ATG16L2: variants seen among roughly 807,000 people sequenced by gnomAD.
ATG16L2 encodes protein Atg16l2.
ATG16L2 carries 77 observed loss-of-function variants against 84.7 expected under a neutral mutation model. The ratio of observed to expected loss-of-function variants is 0.91; its 90% CI spans 0.76 to 1.10. The LOEUF (loss-of-function observed/expected upper bound fraction) is 1.10. Among genes scored for constraint, ATG16L2 ranks in the 50% least tolerant of loss-of-function variants. The pLI, the probability that ATG16L2 is intolerant of heterozygous loss-of-function variation, is 0.00. For synonymous variants in ATG16L2, 361 were observed against 342.8 expected, an observed-to-expected ratio of 1.05 and a Z score of -0.59; for missense variants, 782 against 817.6, an observed-to-expected ratio of 0.96 and a Z score of 0.53.
intron 3 of ATG16L2, chr11:72,818,765 C>G (rs1288946419): frequency 6.6e-6 from 1 of 152,160 alleles, no homozygotes; most frequent in Non-Finnish European, 1.5e-5. Context: ...GTTGCTATAT[C>G]CAAAGTACGG....
At chr11:72,817,961 C>T (rs1335823474) in intron 3 of ATG16L2, 106 bp downstream of exon 3, 1 of 1,058,666 alleles carries the variant, frequency 9.4e-7, no homozygotes, top group Admixed American at 2.2e-5. Flanking sequence ...CCCAGTGCTG[C>T]AAGCATTGAG....
chr11:72,827,082 T>G (rs1313022519), intron 13 of ATG16L2, 106 bp from the exon 14 acceptor site: 2 of 960,608 alleles, frequency 2.1e-6, no homozygotes, highest in African/African-American at 1.6e-5. Context: ...TGGGTTCTAG[T>G]CTTGGGAGGA....
intron 3 of ATG16L2, chr11:72,818,154 C>T (rs1054939933): frequency 5.5e-6 from 2 of 361,846 alleles, no homozygotes; most frequent in South Asian, 3.7e-5. Context: ...GCTCACCCCT[C>T]GCCCAGCCAT....
At chr11:72,818,528 A>G (rs1565260557) in intron 3 of ATG16L2, 1 of 151,924 alleles carries the variant, frequency 6.6e-6, no homozygotes, top group Non-Finnish European at 1.5e-5. Flanking sequence ...CTTTTTGGAG[A>G]TCACATCTAA....
chr11:72,828,733 G>T lies in ATG16L2; in HGVS notation c.1627G>T (p.Asp543Tyr). 2 of 1,614,074 alleles carry T rather than the reference G, an allele frequency of 1.2e-6. No homozygotes were observed. Among genetic ancestry groups the T allele is most frequent in the South Asian group, 1.1e-5 (1 of 91,082 alleles). ...CCCAGCCCTGTCTGTCCTCAGGGCC[G>T]ATGGCTTCAAGTGTGGTTCTGACTG... ...VSNIRQVFRADGFKCGSDWTK... is the reference protein window; with the variant it reads ...VSNIRQVFRAYGFKCGSDWTK... The change falls in exon 16 of 18, where the codon GAT (aspartate) becomes TAT (tyrosine). Residue 543 changes from aspartate (D) to tyrosine (Y), a missense_variant. Physicochemically the swap from Asp to Tyr is radical, Grantham distance 160. Coordinates refer to ENST00000321297, the MANE Select transcript of ATG16L2 (RefSeq NM_033388.2).
At chr11:72,831,871 A>G (rs1205171711), downstream of ATG16L2, among the ~76,000 whole-genome samples, 1 of 152,228 alleles carries the variant, frequency 6.6e-6, no homozygotes, top group Non-Finnish European at 1.5e-5. Context: ...CTGTGGCTGC[A>G]TTACACATAC....
At position 72,828,398 on chromosome 11, in the gene ATG16L2, G is replaced by A; in HGVS notation, c.1512G>A (p.Arg504=). Residue 504 remains arginine (R), a synonymous_variant, in exon 15 of 18, where the codon CGG becomes CGA. Coordinates refer to ENST00000321297, the MANE Select transcript of ATG16L2 (RefSeq NM_033388.2). ...HCTQVIPVQG[R]VTSLSLSHDQ... is the part of the protein sequence containing the mutation. ...CCCAGGTCATCCCTGTGCAGGGCCG[G>A]GTCACCTCCCTGAGCCTCAGCCACG... The A allele has an allele frequency of 6.2e-7, 1 of 1,614,152 alleles. No individual in the cohort carries two copies. Among genetic ancestry groups the A allele is most frequent in the Non-Finnish European group, 8.5e-7 (1 of 1,180,028 alleles).
At chr11:72,829,155 T>G in intron 17 of ATG16L2, 148 bp from the exon 18 acceptor site, 1 of 1,102,126 alleles carries the variant, frequency 9.1e-7, no homozygotes. Context: ...GGTTCCATCC[T>G]TTCCACAGCC....
In ATG16L2 at chr11:72,822,658, G is replaced by C; in HGVS notation, c.710+115G>C. The C allele has an allele frequency of 7.1e-7, 1 of 1,403,076 alleles. No homozygotes were observed. The highest frequency in any genetic ancestry group is 9.7e-7 in the Non-Finnish European group (1 of 1,030,248). 86.9% of individuals were successfully genotyped at this position (1,403,076 alleles called of 1,614,324 possible). ...CACAGCCCCGTCCTGAGGCCCCCAT[G>C]TGGTCGGAGCCCACGAGACACCTGC... is the stretch of plus-strand genomic sequence containing the variant. On this transcript the variant is annotated intron_variant, in intron 6 of 17. Transcript: ENST00000321297. The surrounding 1 kb of genome is among the most constrained non-coding windows in gnomAD (Gnocchi z 4.2).
intron 10 of ATG16L2, 137 bp downstream of exon 10, chr11:72,825,544 T>TGC: frequency 1.4e-6 from 1 of 690,354 alleles, no homozygotes; most frequent in South Asian, 1.7e-5. Context: ...GACTAGACAA[T>TGC]GCCTTGGAAA....
chr11:72,833,108 C>T (rs1043346333), downstream of ATG16L2, among the ~76,000 whole-genome samples: 2 of 152,244 alleles, frequency 1.3e-5, no homozygotes, highest in South Asian at 4.1e-4. Context: ...CTCTCAGTCC[C>T]TGGCTTCAGT....
intron 15 of ATG16L2, 79 bp from the exon 16 acceptor site, chr11:72,828,650 A>T: frequency 1.2e-6 from 2 of 1,600,034 alleles, no homozygotes; most frequent in Non-Finnish European, 8.5e-7. Context: ...CTCGACAAAG[A>T]GGAAGCTCTG....
exon 6 of ATG16L2, chr11:72,843,145 C>G (rs1297315438): frequency 6.2e-7 from 1 of 1,613,636 alleles, no homozygotes; most frequent in African/African-American, 1.3e-5. Flanking sequence ...TTGTTTCAGT[C>G]TTTACCACTG....
Position 72,824,306 on chromosome 11 carries a change from C to T in ATG16L2, c.887+184C>T, listed in dbSNP as rs1180882913. The T allele has an allele frequency of 7.4e-6, 5 of 671,772 alleles. No individual in the cohort carries two copies. The East Asian group carries it at 1.4e-4, about 18-fold the overall frequency. 41.6% of individuals were successfully genotyped at this position (671,772 alleles called of 1,614,324 possible). A position where few individuals can be genotyped will look rare whatever the true frequency, so the allele number is the denominator to read the frequency against. ...TCAGCCCCGGCCCCGGTTCAGCTGTCTTCCAGGTTCTGTCCTCACAAGGGT... is the reference window on the plus strand; with the variant it reads ...TCAGCCCCGGCCCCGGTTCAGCTGTTTTCCAGGTTCTGTCCTCACAAGGGT... On this transcript the variant is annotated intron_variant, in intron 8 of 17. Transcript: ENST00000321297.
intron 4 of ATG16L2, 101 bp from the exon 5 acceptor site, chr11:72,821,943 G>C: frequency 7.0e-7 from 1 of 1,427,812 alleles, no homozygotes; most frequent in Non-Finnish European, 9.1e-7. Context: ...CCGGCTAGCC[G>C]CGTTTGGCAT....
In ATG16L2 at chr11:72,822,631, T is replaced by G; in HGVS notation, c.710+88T>G. 6.5e-7 allele frequency: 1 copy of G among 1,529,558 alleles called. No homozygotes were observed. 94.7% of individuals were successfully genotyped at this position (1,529,558 alleles called of 1,614,324 possible). The stretch of plus-strand genomic sequence containing the variant: ...CGACCCAGGCTGCCGACTGTACTTG[T>G]GCACAGCCCCGTCCTGAGGCCCCCA... On this transcript the variant is annotated intron_variant, in intron 6 of 17. Coordinates refer to ENST00000321297, the MANE Select transcript of ATG16L2 (RefSeq NM_033388.2). The surrounding 1 kb of genome is among the most constrained non-coding windows in gnomAD (Gnocchi z 4.2).
intron 3 of ATG16L2, chr11:72,821,442 G>T (rs890724556): frequency 7.3e-7 from 1 of 1,361,142 alleles, no homozygotes; most frequent in Non-Finnish European, 9.5e-7. Context: ...GAAGCGGCAC[G>T]GCGAGGATTG....
chr11:72,816,632 G>C, intron 1 of ATG16L2, 96 bp from the exon 2 acceptor site: 1 of 980,416 alleles, frequency 1.0e-6, no homozygotes, highest in East Asian at 2.4e-5. Flanking sequence ...TAGCATCTCT[G>C]GGCTCCTTCA....
chr11:72,833,642 C>T (rs773789344), downstream of ATG16L2, among the ~76,000 whole-genome samples: 5 of 152,136 alleles, frequency 3.3e-5, no homozygotes, highest in Non-Finnish European at 5.9e-5. Flanking sequence ...TAGGAAAGGC[C>T]GGGCGAGGTG....
Sources: gnomAD v4.1 joint callset for allele counts (sites outside exome capture counted in the v4.1 genomes callset) on GRCh38, gnomAD v4.1.1 for gene constraint, Gnocchi (gnomAD v3.1) non-coding constraint, MANE v1.5 for transcripts, NCBI Gene and HGNC (gene_info 2026-07-23, HGNC 2026-07-21) for gene names.